ATG10: variants seen among roughly 807,000 people sequenced by gnomAD.
ATG10 encodes ubiquitin-like-conjugating enzyme ATG10.
A neutral mutation model predicts 32.1 loss-of-function variants in ATG10; 30 were observed. The observed-to-expected ratio is 0.94, with a 90% CI of 0.70 to 1.27. The LOEUF (loss-of-function observed/expected upper bound fraction) is 1.27, where lower values mean the gene tolerates loss of function less well. Among genes scored for constraint, ATG10 ranks in the 50% most tolerant of loss-of-function variants. The pLI is 0.00. For synonymous variants in ATG10, 87 were observed against 91.5 expected (o/e 0.95, Z 0.28); for missense variants, 233 against 262.3 (o/e 0.89, Z 0.77).
intron 3 of ATG10, among the ~76,000 whole-genome samples, chr5:82,146,294 C>CTAAT (rs1373080535): frequency 5.9e-5 from 9 of 151,902 alleles, no homozygotes; most frequent in African/African-American, 2.2e-4. Flanking sequence ...CATGGAAATT[C>CTAAT]TAATTGATGT....
chr5:82,190,193 G>C (rs949695706), intron 5 of ATG10, among the ~76,000 whole-genome samples: 1 of 151,718 alleles, frequency 6.6e-6, no homozygotes, highest in Non-Finnish European at 1.5e-5. Flanking sequence ...CATTTTTTCT[G>C]ATTGAAAAAA....
chr5:82,128,604 T>A (rs1168712198), intron 3 of ATG10, among the ~76,000 whole-genome samples: 3 of 151,396 alleles, frequency 2.0e-5, no homozygotes, highest in Non-Finnish European at 2.9e-5. Context: ...TTAAGAATGT[T>A]GAATATTGGC....
At chr5:82,168,948 G>T (rs1435662417) in intron 4 of ATG10, among the ~76,000 whole-genome samples, 3 of 152,150 alleles carry the variant, frequency 2.0e-5, no homozygotes, top group African/African-American at 7.2e-5. Flanking sequence ...CCATAGCTCT[G>T]TCCAACAACT....
chr5:82,075,913 C>T (rs754975947), intron 3 of ATG10, among the ~76,000 whole-genome samples: 32 of 152,054 alleles, frequency 2.1e-4, no homozygotes, highest in East Asian at 3.9e-4. Flanking sequence ...CCAGCCTGGA[C>T]GACAGAGCAA....
intron 4 of ATG10, among the ~76,000 whole-genome samples, chr5:82,174,333 G>T (rs1743926726): frequency 6.6e-6 from 1 of 152,108 alleles, no homozygotes; most frequent in Non-Finnish European, 1.5e-5. Context: ...CAGTGTAAGT[G>T]GTCAGCAGAA....
At chr5:82,119,060 T>C (rs954580775) in intron 3 of ATG10, among the ~76,000 whole-genome samples, 3 of 152,240 alleles carry the variant, frequency 2.0e-5, no homozygotes, top group Non-Finnish European at 4.4e-5. Context: ...ACTATGTTAA[T>C]TGATAGTCAA....
At chr5:81,994,570 G>A (rs1051186473) in intron 2 of ATG10, among the ~76,000 whole-genome samples, 1 of 152,170 alleles carries the variant, frequency 6.6e-6, no homozygotes, top group Non-Finnish European at 1.5e-5. Context: ...TGCAGAGATT[G>A]TGGATCCAAA....
chr5:82,072,350 C>A (rs937604595), intron 3 of ATG10, among the ~76,000 whole-genome samples: 2 of 152,068 alleles, frequency 1.3e-5, no homozygotes, highest in Non-Finnish European at 2.9e-5. Context: ...ACAGCTCTGC[C>A]CAGAGGTTCT....
chr5:82,133,562 G>A (rs1005102036), intron 3 of ATG10, among the ~76,000 whole-genome samples: 19 of 152,126 alleles, frequency 1.2e-4, no homozygotes, highest in African/African-American at 4.6e-4. Flanking sequence ...TGAGGCCTCT[G>A]TTCTGTTCCA....
At chr5:82,160,006 C>T (rs1313816475) in intron 3 of ATG10, among the ~76,000 whole-genome samples, 2 of 152,120 alleles carry the variant, frequency 1.3e-5, no homozygotes, top group South Asian at 2.1e-4. Context: ...ATATAATCCA[C>T]TGACCTTATT....
In ATG10 at chr5:82,047,617, C is replaced by T. The variant is rs531764720; in HGVS notation, c.109-10878C>T. ...AATTCCCACCTGTAACCTTTTCTAG[C>T]CTGACAAGTGGCTAATTTTTTCTGC... On this transcript the variant is annotated intron_variant, in intron 2 of 7. Coordinates refer to ENST00000282185, the MANE Select transcript of ATG10 (RefSeq NM_031482.5). Among the ~76,000 whole-genome samples, 3 of 152,262 alleles carry T rather than the reference C, an allele frequency of 2.0e-5. No homozygotes were observed. In the East Asian group the frequency reaches 5.8e-4, roughly 29 times the overall value.
intron 3 of ATG10, among the ~76,000 whole-genome samples, chr5:82,068,994 A>G (rs1247667806): frequency 6.6e-6 from 1 of 151,528 alleles, no homozygotes; most frequent in Non-Finnish European, 1.5e-5. Flanking sequence ...ATATTACAGT[A>G]AGATTTGATC....
In ATG10 at chr5:82,178,515, C is replaced by T; in HGVS notation, c.381C>T (p.Asp127=). 1 of 1,611,318 alleles carries T rather than the reference C, an allele frequency of 6.2e-7. No individual in the cohort carries two copies. The highest frequency in any genetic ancestry group is 8.5e-7 in the Non-Finnish European group (1 of 1,177,812). Residue 127 remains aspartate, a synonymous_variant, in exon 5 of 8, where the codon GAC becomes GAT. Transcript: ENST00000282185. ...FLDGRPLTLK[D]IWEGVHECYK... is the part of the protein sequence containing the mutation. Reference sequence around the variant, plus strand: ...ATGGGAGACCTTTAACTCTGAAGGACATATGGGAAGGAGTTCATGAGTGCT... The same window carrying T: ...ATGGGAGACCTTTAACTCTGAAGGATATATGGGAAGGAGTTCATGAGTGCT...
intron 5 of ATG10, among the ~76,000 whole-genome samples, chr5:82,226,082 C>G (rs1746119794): frequency 6.6e-6 from 1 of 152,126 alleles, no homozygotes; most frequent in Admixed American, 6.6e-5. Flanking sequence ...ATTCACATTT[C>G]TTTACTGGTT....
chr5:81,993,409 T>C (rs1390500863), intron 2 of ATG10, among the ~76,000 whole-genome samples: 1 of 137,904 alleles, frequency 7.3e-6, no homozygotes, highest in African/African-American at 2.8e-5. Flanking sequence ...TTTTCTTTTC[T>C]TTTCTTTTCT....
chr5:81,995,085 G>A lies in ATG10; in HGVS notation c.108+7407G>A, dbSNP rs184044178. 3.9e-5 allele frequency among the ~76,000 whole-genome samples: 6 copies of A among 152,182 alleles called. No individual in the cohort carries two copies. The East Asian group carries it at 1.2e-3, about 29-fold the overall frequency. On this transcript the variant is annotated intron_variant, in intron 2 of 7. Transcript: ENST00000282185. Reference sequence around the variant, plus strand: ...TCGAATTTCACCTTGTTTTTGAGATGCAACCTTTGAGGATATTTTTCAGAA... The same window carrying A: ...TCGAATTTCACCTTGTTTTTGAGATACAACCTTTGAGGATATTTTTCAGAA...
At chr5:82,113,245 G>A (rs1414880776) in intron 3 of ATG10, among the ~76,000 whole-genome samples, 1 of 151,890 alleles carries the variant, frequency 6.6e-6, no homozygotes, top group Non-Finnish European at 1.5e-5. Flanking sequence ...TTTGTAGCTT[G>A]CCAAAGAGCA....
At position 81,982,184 on chromosome 5, in the gene ATG10, G is replaced by T. The variant is rs529049353; in HGVS notation, c.-12-5375G>T. On this transcript the variant is annotated intron_variant, in intron 1 of 7. Coordinates refer to ENST00000282185, the MANE Select transcript of ATG10 (RefSeq NM_031482.5). ...GATGTATTAACAACTTATGCCAGGCGTGGTGGCTCACGCCTATAATCCTAG... is the reference window on the plus strand; with the variant it reads ...GATGTATTAACAACTTATGCCAGGCTTGGTGGCTCACGCCTATAATCCTAG... Among the ~76,000 whole-genome samples the T allele has an allele frequency of 1.1e-3, 174 of 152,344 alleles. 2 individuals are homozygous for T. The highest frequency in any genetic ancestry group is 2.3e-3 in the Admixed American group (35 of 15,310).
intron 3 of ATG10, among the ~76,000 whole-genome samples, chr5:82,142,216 C>T (rs1025665476): frequency 3.3e-4 from 50 of 152,300 alleles, no homozygotes; most frequent in Admixed American, 2.6e-3. Context: ...CTCAAGCCAA[C>T]AGGCTAGTGG....
Sources: gnomAD v4.1 joint callset for allele counts (sites outside exome capture counted in the v4.1 genomes callset) on GRCh38, gnomAD v4.1.1 for gene constraint, MANE v1.5 for transcripts, NCBI Gene and HGNC (gene_info 2026-07-23, HGNC 2026-07-21) for gene names.